Variants in VPS8 observed in about 807,000 individuals in gnomAD.
The protein encoded by VPS8 is vacuolar protein sorting-associated protein 8 homolog.
Under a neutral mutation model 216.4 loss-of-function variants are expected in VPS8, and 129 were observed. The ratio of observed to expected loss-of-function variants is 0.60; its 90% CI spans 0.52 to 0.69. The LOEUF (loss-of-function observed/expected upper bound fraction) is 0.69. Among genes scored for constraint, VPS8 ranks in the 30% least tolerant of loss-of-function variants. The pLI is 0.00. For synonymous variants in VPS8, 571 were observed against 565.4 expected (o/e 1.01, Z -0.14); for missense variants, 1,531 against 1,683.5 (o/e 0.91, Z 1.59).
At chr3:184,966,791 A>C (rs1489067129) in intron 39 of VPS8, 78 bp downstream of exon 39, 1 of 1,082,766 alleles carries the variant, frequency 9.2e-7, no homozygotes, top group Non-Finnish European at 1.3e-6. Flanking sequence ...AATTGCATTT[A>C]TTATGTAATA....
intron 45 of VPS8, among the ~76,000 whole-genome samples, chr3:185,006,016 A>G (rs1017947780): frequency 6.6e-6 from 1 of 152,226 alleles, no homozygotes; most frequent in Non-Finnish European, 1.5e-5. Flanking sequence ...CACATCAGCA[A>G]AAGTTTGTTT....
intron 36 of VPS8, among the ~76,000 whole-genome samples, chr3:184,951,228 G>A (rs185100400): frequency 2.1e-4 from 32 of 152,254 alleles, no homozygotes; most frequent in Non-Finnish European, 3.8e-4. Context: ...ACTCACACCT[G>A]TAATCCCAGC....
intron 21 of VPS8, among the ~76,000 whole-genome samples, chr3:184,885,788 A>G (rs1731105674): frequency 1.3e-5 from 2 of 152,156 alleles, no homozygotes; most frequent in Admixed American, 6.5e-5. Context: ...AATGTAATTC[A>G]TATTTCTTTT....
intron 36 of VPS8, chr3:184,944,735 C>G: frequency 3.3e-6 from 1 of 301,882 alleles, no homozygotes; most frequent in Non-Finnish European, 4.9e-6. Flanking sequence ...CACATTGTAT[C>G]TGAAAGTCTT....
chr3:184,849,964 AACTTCTAAG>A lies in VPS8; in HGVS notation c.697_705del (p.Leu233_Arg235del). ...ACCATGTGGGATTTGGCCAGTGGAA[AACTTCTAAG>A]ATCAATAACAGATGCTCATCCTCCA... On this transcript the variant is annotated inframe_deletion, in exon 10 of 48. Coordinates refer to ENST00000625842, the MANE Select transcript of VPS8 (RefSeq NM_001009921.3). 6.2e-7 allele frequency: 1 copy of A among 1,613,468 alleles called. No homozygotes were observed. Among genetic ancestry groups the A allele is most frequent in the Non-Finnish European group, 8.5e-7 (1 of 1,179,674 alleles).
intron 45 of VPS8, 72 bp downstream of exon 45, chr3:184,999,933 C>T (rs1443236854): frequency 4.7e-6 from 7 of 1,482,048 alleles, no homozygotes; most frequent in Non-Finnish European, 6.3e-6. Context: ...GGTCTCATTT[C>T]CTTCGGTTCC....
At chr3:184,833,850 A>G (rs994887810) in intron 4 of VPS8, among the ~76,000 whole-genome samples, 1 of 152,276 alleles carries the variant, frequency 6.6e-6, no homozygotes, top group Non-Finnish European at 1.5e-5. Context: ...AACAGAATTA[A>G]ACTGTTCTTC....
intron 21 of VPS8, among the ~76,000 whole-genome samples, chr3:184,884,362 G>T (rs535150926): frequency 6.6e-6 from 1 of 152,194 alleles, no homozygotes; most frequent in East Asian, 1.9e-4. Flanking sequence ...TCAGAATGAT[G>T]GTTTCCAGCT....
At position 185,047,077 on chromosome 3, in the gene VPS8, C is replaced by T. The variant is rs558765673; in HGVS notation, c.4057-1402C>T. ...CACACTCGGCATACCCTCTCCTGCA[C>T]ATCCCCCAACCTCCTTCATTACCCA... On this transcript the variant is annotated intron_variant, in intron 46 of 47. Transcript: ENST00000625842. Among the ~76,000 whole-genome samples, 15 of 152,316 alleles carry T rather than the reference C, an allele frequency of 9.8e-5. No homozygotes were observed. In the South Asian group the frequency reaches 2.7e-3, roughly 27 times the overall value.
At chr3:184,955,821 T>C (rs1049847065) in intron 36 of VPS8, among the ~76,000 whole-genome samples, 2 of 152,154 alleles carry the variant, frequency 1.3e-5, no homozygotes, top group Non-Finnish European at 1.5e-5. Context: ...CAATTATGAA[T>C]GCAATACCAT....
intron 4 of VPS8, 23 bp downstream of exon 4, chr3:184,832,842 C>T (rs2108549361): frequency 6.3e-7 from 1 of 1,597,506 alleles, no homozygotes. Flanking sequence ...GTCAATCATA[C>T]TTGCTTACAG....
intron 43 of VPS8, 116 bp downstream of exon 43, chr3:184,994,179 G>C: frequency 2.9e-6 from 2 of 695,284 alleles, no homozygotes; most frequent in Non-Finnish European, 4.6e-6. Context: ...CAGTTAGGTA[G>C]ACTGAGGTGT....
intron 42 of VPS8, among the ~76,000 whole-genome samples, chr3:184,985,644 C>A (rs984064636): frequency 4.6e-5 from 7 of 152,174 alleles, no homozygotes; most frequent in Non-Finnish European, 1.5e-5. Flanking sequence ...CTGGGTCCAG[C>A]TGATTGACTC....
chr3:184,887,398 GT>G (rs981482206), intron 22 of VPS8, among the ~76,000 whole-genome samples: 11 of 146,116 alleles, frequency 7.5e-5, no homozygotes, highest in Middle Eastern at 3.5e-3. Context: ...AATGCACAGG[GT>G]TTTTTTTTTC....
chr3:184,990,873 T>C (rs1281765086), intron 42 of VPS8, among the ~76,000 whole-genome samples: 5 of 151,814 alleles, frequency 3.3e-5, no homozygotes, highest in African/African-American at 1.2e-4. Flanking sequence ...TCACAGATCT[T>C]CTTGATCTTC....
In VPS8 at chr3:184,920,331, C is replaced by G. The variant is rs1015744078; in HGVS notation, c.2454+133C>G. On this transcript the variant is annotated intron_variant, in intron 29 of 47. Transcript: ENST00000625842. Reference sequence around the variant, plus strand: ...ATATCGTAAAATTTTATTACGGTGTCTTTGTTCTCAAGAGCTGAATTAAGT... The same window carrying G: ...ATATCGTAAAATTTTATTACGGTGTGTTTGTTCTCAAGAGCTGAATTAAGT... 1.6e-4 allele frequency: 95 copies of G among 594,844 alleles called. No homozygotes were observed. In the African/African-American group the frequency reaches 1.7e-3, roughly 10 times the overall value. The allele number at this position is 594,844 out of a possible 1,614,324, so 36.8% of individuals were successfully genotyped here. A position where few individuals can be genotyped will look rare whatever the true frequency, so the allele number is the denominator to read the frequency against.
chr3:184,823,999 T>C (rs1718170977), intron 1 of VPS8: 1 of 152,234 alleles, frequency 6.6e-6, no homozygotes, highest in East Asian at 1.9e-4. Flanking sequence ...TCATTGTTGT[T>C]TCCTTTAATA....
rs559071943 is a variant in VPS8, at chr3:184,914,077, C to T, written c.2189+516C>T. ...CTGGAGCAGGGTTCATTCTAGTAGA[C>T]TATGCCAGCTCAGAATTGAGCCCTG... On this transcript the variant is annotated intron_variant, in intron 26 of 47. Transcript: ENST00000625842. 4.3e-4 allele frequency among the ~76,000 whole-genome samples: 66 copies of T among 152,308 alleles called. 1 individual carries two copies. Among genetic ancestry groups the T allele is most frequent in the Non-Finnish European group, 9.0e-4 (61 of 68,022 alleles).
chr3:184,907,176 G>A (rs1189837125), intron 25 of VPS8, among the ~76,000 whole-genome samples: 1 of 152,190 alleles, frequency 6.6e-6, no homozygotes, highest in African/African-American at 2.4e-5. Flanking sequence ...CTTGAAGTGA[G>A]GGCTTCCAGG....
Sources: allele counts gnomAD v4.1 joint callset (sites outside exome capture counted in the v4.1 genomes callset), GRCh38; gene constraint gnomAD v4.1.1; transcripts MANE v1.5; gene names NCBI Gene and HGNC (gene_info 2026-07-23, HGNC 2026-07-21).